The following ESRRB variants were observed in gnomAD, a reference collection of about 807,000 sequenced individuals.
The protein encoded by ESRRB is steroid hormone receptor ERR2.
In ESRRB, 16 loss-of-function variants were observed where a neutral mutation model predicts 46.0. The ratio of observed to expected loss-of-function variants is 0.35; its 90% confidence interval spans 0.24 to 0.53. The LOEUF is 0.53. Ranked by LOEUF, ESRRB falls within the 20% of genes least tolerant of loss-of-function variation. The probability of loss-of-function intolerance (pLI) is 0.93; values close to 1 mark genes in which losing one functional copy is unlikely to be tolerated. For missense variants in ESRRB, 488 were observed against 607.4 expected, an observed-to-expected ratio of 0.80 and a Z score of 2.07; for synonymous variants, 246 against 259.6, an observed-to-expected ratio of 0.95 and a Z score of 0.50.
intron 5 of ESRRB, among the ~76,000 whole-genome samples, chr14:76,489,480 C>CACACACACA (rs1890138576): frequency 2.2e-4 from 33 of 150,814 alleles, no homozygotes; most frequent in East Asian, 3.9e-4. Context: ...CACACACACA[C>CACACACACA]CCTGATCCCC....
chr14:76,439,757 G>C lies in ESRRB; in HGVS notation c.460+7G>C. ...TTCAAGAGGACTATCCAAGGTGCGTGGTGGGCCTCAAGGAGCCTGGGCGCA... is the reference window on the plus strand; with the variant it reads ...TTCAAGAGGACTATCCAAGGTGCGTCGTGGGCCTCAAGGAGCCTGGGCGCA... On this transcript the variant is annotated splice_region_variant and intron_variant, in intron 2 of 6. Transcript: ENST00000644823. 6.2e-7 allele frequency: 1 copy of C among 1,612,554 alleles called. No individual in the cohort carries two copies. Among genetic ancestry groups the C allele is most frequent in the Non-Finnish European group, 8.5e-7 (1 of 1,178,702 alleles).
At chr14:76,453,678 G>T (rs757278071) in intron 2 of ESRRB, among the ~76,000 whole-genome samples, 1 of 146,640 alleles carries the variant, frequency 6.8e-6, no homozygotes, top group South Asian at 2.2e-4. Context: ...GCTCACTGCC[G>T]CCTCAGCCTC....
chr14:76,500,655 G>T lies in ESRRB; in HGVS notation c.*2197G>T. ...CAAGCTGGAGGACCCAGGCGGCAGG[G>T]CATCATGCCCAGCTGGCATCTGCTG... On this transcript the variant is annotated 3_prime_UTR_variant, in exon 7 of 7. Transcript: ENST00000644823. 6.2e-7 allele frequency: 1 copy of T among 1,612,582 alleles called. No individual in the cohort carries two copies. The highest frequency in any genetic ancestry group is 8.5e-7 in the Non-Finnish European group (1 of 1,178,958).
chr14:76,432,740 G>T (rs1249410656), intron 1 of ESRRB, among the ~76,000 whole-genome samples: 1 of 135,720 alleles, frequency 7.4e-6, no homozygotes, highest in African/African-American at 3.1e-5. Flanking sequence ...CAGTGGCACA[G>T]TCTCAGCTCA....
At position 76,499,993 on chromosome 14, in the gene ESRRB, G is replaced by A. The variant is rs200237229; in HGVS notation, c.*1535G>A. On this transcript the variant is annotated 3_prime_UTR_variant, in exon 7 of 7. Coordinates refer to ENST00000644823, the MANE Select transcript of ESRRB (RefSeq NM_001379180.1). Reference sequence around the variant, plus strand: ...AACTCCCCGGGGATCCCCAATCCACGCCCTTCTAGTCCAACCCCCCTCAAT... The same window carrying A: ...AACTCCCCGGGGATCCCCAATCCACACCCTTCTAGTCCAACCCCCCTCAAT... 7.8e-4 allele frequency: 1,234 copies of A among 1,582,166 alleles called. 3 individuals are homozygous for A. Among genetic ancestry groups the A allele is most frequent in the Non-Finnish European group, 9.7e-4 (1,130 of 1,163,362 alleles).
intron 3 of ESRRB, chr14:76,463,429 C>T (rs976530303): frequency 1.4e-5 from 2 of 141,660 alleles, no homozygotes; most frequent in African/African-American, 5.4e-5. Context: ...GTGAAATTAG[C>T]ATCACATGCT....
At chr14:76,395,721 C>T (rs532317415) in intron 1 of ESRRB, among the ~76,000 whole-genome samples, 10 of 152,094 alleles carry the variant, frequency 6.6e-5, no homozygotes, top group African/African-American at 9.6e-5. Flanking sequence ...TCTGTAAACA[C>T]GGCTATGACC....
chr14:76,334,496 G>A (rs972050719), intron 1 of ESRRB, among the ~76,000 whole-genome samples: 1 of 152,282 alleles, frequency 6.6e-6, no homozygotes, highest in Non-Finnish European at 1.5e-5. Context: ...CAGCTGGAGG[G>A]GGAATATTAA....
intron 2 of ESRRB, among the ~76,000 whole-genome samples, chr14:76,440,983 G>C (rs1004123166): frequency 1.6e-4 from 24 of 152,308 alleles, no homozygotes; most frequent in African/African-American, 5.5e-4. Flanking sequence ...GGGAGGTGGA[G>C]GTTGCAGTGA....
intron 2 of ESRRB, among the ~76,000 whole-genome samples, chr14:76,443,005 G>A (rs1183862285): frequency 6.6e-6 from 1 of 151,672 alleles, no homozygotes; most frequent in African/African-American, 2.4e-5. Flanking sequence ...TAGTAGAGAT[G>A]TGGTTTCACC....
intron 1 of ESRRB, among the ~76,000 whole-genome samples, chr14:76,329,267 G>A (rs1276598399): frequency 1.3e-5 from 2 of 152,070 alleles, no homozygotes; most frequent in South Asian, 2.1e-4. Context: ...AAATAATCGA[G>A]TCAATCTCAG....
At chr14:76,461,560 G>A (rs933670456) in intron 2 of ESRRB, among the ~76,000 whole-genome samples, 1 of 151,576 alleles carries the variant, frequency 6.6e-6, no homozygotes, top group Non-Finnish European at 1.5e-5. Context: ...CCATGCTGGA[G>A]TGAAGTGGCG....
At chr14:76,437,855 C>A (rs576735356) in intron 1 of ESRRB, among the ~76,000 whole-genome samples, 1 of 152,196 alleles carries the variant, frequency 6.6e-6, no homozygotes, top group Non-Finnish European at 1.5e-5. Flanking sequence ...GAGGGGAACA[C>A]CCTTGCCCGC....
chr14:76,450,342 G>A (rs1440932904), intron 2 of ESRRB, among the ~76,000 whole-genome samples: 3 of 152,144 alleles, frequency 2.0e-5, no homozygotes, highest in African/African-American at 4.8e-5. Flanking sequence ...TGGAGAGGAT[G>A]GGCAAAGTCT....
chr14:76,354,404 G>A (rs1266160576), intron 1 of ESRRB, among the ~76,000 whole-genome samples: 2 of 152,070 alleles, frequency 1.3e-5, no homozygotes, highest in Non-Finnish European at 1.5e-5. Context: ...CTGCGATGAA[G>A]CCAGGCTCAC....
At chr14:76,420,558 AGT>A (rs61137774) in intron 1 of ESRRB, among the ~76,000 whole-genome samples, 21,233 of 142,194 alleles carry the variant, frequency 0.15, 1,613 homozygotes, top group South Asian at 0.19. Context: ...ACAGGGTGTG[AGT>A]GTGTGTGTGT....
At chr14:76,487,615 T>C (rs1890069747) in intron 5 of ESRRB, among the ~76,000 whole-genome samples, 1 of 152,200 alleles carries the variant, frequency 6.6e-6, no homozygotes. Context: ...TCTTTTTTTT[T>C]CTTTTTGAGC....
At chr14:76,406,791 C>T (rs1886205662) in intron 1 of ESRRB, among the ~76,000 whole-genome samples, 1 of 152,198 alleles carries the variant, frequency 6.6e-6, no homozygotes, top group Admixed American at 6.5e-5. Flanking sequence ...CATCCTTGCC[C>T]ATCCTTGTCT....
rs373936212 is a variant in ESRRB at position 76,482,782 on chromosome 14, G to C, written c.850+23G>C. ...CAGGTGAGCATGTGGGACCAGGGGAGAGTGTGGCCAGGGACTCTCAGCCGG... is the reference window on the plus strand; with the variant it reads ...CAGGTGAGCATGTGGGACCAGGGGACAGTGTGGCCAGGGACTCTCAGCCGG... On this transcript the variant is annotated intron_variant, in intron 5 of 6. Coordinates refer to ENST00000644823, the MANE Select transcript of ESRRB (RefSeq NM_001379180.1). The surrounding 1 kb of genome is among the most constrained non-coding windows in gnomAD (Gnocchi z 4.3). 6.2e-7 allele frequency: 1 copy of C among 1,613,404 alleles called. No individual in the cohort carries two copies. The highest frequency in any genetic ancestry group is 8.5e-7 in the Non-Finnish European group (1 of 1,179,932).
Sources: allele counts gnomAD v4.1 joint callset (sites outside exome capture counted in the v4.1 genomes callset), GRCh38; gene constraint gnomAD v4.1.1; non-coding constraint Gnocchi (gnomAD v3.1); transcripts MANE v1.5; gene names NCBI Gene and HGNC (gene_info 2026-07-23, HGNC 2026-07-21).